Variants in CCBE1 observed in about 807,000 individuals in gnomAD.
CCBE1 encodes collagen and calcium binding EGF domains 1.
Under a neutral mutation model 50.0 loss-of-function variants are expected in CCBE1, and 37 were observed. The ratio of observed to expected loss-of-function variants is 0.74; its 90% CI spans 0.57 to 0.97. The LOEUF is 0.97. Ranked by LOEUF, CCBE1 falls within the 50% of genes least tolerant of loss-of-function variation. The pLI, the probability that CCBE1 is intolerant of heterozygous loss-of-function variation, is 0.00. For missense variants in CCBE1, 538 were observed against 523.8 expected (o/e 1.03, Z -0.26); for synonymous variants, 234 against 203.7 (o/e 1.15, Z -1.27).
intron 2 of CCBE1, among the ~76,000 whole-genome samples, chr18:59,533,606 C>T (rs924806335): frequency 6.6e-6 from 1 of 152,146 alleles, no homozygotes; most frequent in Non-Finnish European, 1.5e-5. Context: ...ATAAAATACA[C>T]ATAGAAACTA....
At chr18:59,562,709 A>G (rs1261271744) in intron 2 of CCBE1, among the ~76,000 whole-genome samples, 2 of 152,138 alleles carry the variant, frequency 1.3e-5, no homozygotes, top group East Asian at 1.9e-4. Context: ...AGACTACCTC[A>G]TGAACTACTG....
At chr18:59,522,789 A>G (rs916299948) in intron 2 of CCBE1, among the ~76,000 whole-genome samples, 3 of 152,188 alleles carry the variant, frequency 2.0e-5, no homozygotes, top group Non-Finnish European at 2.9e-5. Context: ...GGAGATCAAG[A>G]CCATCCTGGC....
chr18:59,679,134 G>C lies in CCBE1; in HGVS notation c.212+17495C>G, dbSNP rs191075749. On this transcript the variant is annotated intron_variant, in intron 2 of 10. Transcript: ENST00000439986. ...TGTTTCTGAATCCAAAGCAGTTCAG[G>C]TGGCTTCCCCATACAGTGATCTGCT... 3.9e-5 allele frequency among the ~76,000 whole-genome samples: 6 copies of C among 152,266 alleles called. No homozygotes were observed. The East Asian group carries it at 1.2e-3, about 29-fold the overall frequency.
At chr18:59,539,598 G>A (rs547152633) in intron 2 of CCBE1, among the ~76,000 whole-genome samples, 1 of 152,328 alleles carries the variant, frequency 6.6e-6, no homozygotes, top group Non-Finnish European at 1.5e-5. Flanking sequence ...ATTTTGTTAT[G>A]CAGCAATAGA....
At chr18:59,583,255 GA>G (rs376786556) in intron 2 of CCBE1, among the ~76,000 whole-genome samples, 467 of 132,220 alleles carry the variant, frequency 3.5e-3, no homozygotes, top group Non-Finnish European at 6.4e-3. Flanking sequence ...TAAGCCCACA[GA>G]AAAAAACAAA....
intron 5 of CCBE1, among the ~76,000 whole-genome samples, chr18:59,461,640 T>C (rs1052352419): frequency 6.6e-6 from 1 of 152,034 alleles, no homozygotes; most frequent in Non-Finnish European, 1.5e-5. Context: ...TCATATCAGG[T>C]TTCCCTTTTA....
At chr18:59,616,269 A>T (rs1379932936) in intron 2 of CCBE1, among the ~76,000 whole-genome samples, 2 of 152,180 alleles carry the variant, frequency 1.3e-5, no homozygotes, top group Admixed American at 6.5e-5. Flanking sequence ...TTAAACAAAA[A>T]GTTGGCAAAA....
intron 2 of CCBE1, among the ~76,000 whole-genome samples, chr18:59,626,702 C>T (rs2053789991): frequency 6.6e-6 from 1 of 152,266 alleles, no homozygotes; most frequent in South Asian, 2.1e-4. Context: ...CAAGACTGGC[C>T]TTGTGGCCCT....
chr18:59,569,908 G>A (rs2052885710), intron 2 of CCBE1, among the ~76,000 whole-genome samples: 1 of 152,224 alleles, frequency 6.6e-6, no homozygotes, highest in Non-Finnish European at 1.5e-5. Context: ...TGGGATTAGA[G>A]GAGTGAACCA....
At chr18:59,658,111 A>G (rs1022944446) in intron 2 of CCBE1, among the ~76,000 whole-genome samples, 4 of 151,100 alleles carry the variant, frequency 2.6e-5, no homozygotes, top group African/African-American at 9.7e-5. Flanking sequence ...TGCATCTGTA[A>G]AAGGTGGACA....
chr18:59,696,116 T>A (rs191717942), intron 2 of CCBE1, among the ~76,000 whole-genome samples: 18 of 152,276 alleles, frequency 1.2e-4, no homozygotes, highest in African/African-American at 3.9e-4. Flanking sequence ...AAAGACTTTT[T>A]TCCTCTGCCC....
At chr18:59,538,570 A>G (rs1417197166) in intron 2 of CCBE1, among the ~76,000 whole-genome samples, 1 of 152,198 alleles carries the variant, frequency 6.6e-6, no homozygotes, top group African/African-American at 2.4e-5. Flanking sequence ...TCACTGTGGG[A>G]ATTACTCACC....
intron 2 of CCBE1, among the ~76,000 whole-genome samples, chr18:59,494,899 A>G (rs1913275471): frequency 6.6e-6 from 1 of 152,214 alleles, no homozygotes; most frequent in Admixed American, 6.5e-5. Context: ...CACGCCTGTA[A>G]TCCTAGCACT....
Position 59,433,207 on chromosome 18 carries a change from A to G in CCBE1, c.*2701T>C, listed in dbSNP as rs903848161. 1 of 152,258 alleles carries G rather than the reference A, an allele frequency of 6.6e-6. No individual in the cohort carries two copies. The highest frequency in any genetic ancestry group is 1.5e-5 in the Non-Finnish European group (1 of 68,010). 9.4% of individuals were successfully genotyped at this position (152,258 alleles called of 1,614,324 possible). A position where few individuals can be genotyped will look rare whatever the true frequency, so the allele number is the denominator to read the frequency against. On this transcript the variant is annotated 3_prime_UTR_variant, in exon 11 of 11. Transcript: ENST00000439986. ...TAAAAAGTCTCCTTTATTCGAAAAG[A>G]GGCAGACTGGTTCCTGGGGTTACTG...
chr18:59,492,497 T>C (rs1913158066), intron 2 of CCBE1, among the ~76,000 whole-genome samples: 1 of 152,152 alleles, frequency 6.6e-6, no homozygotes, highest in Non-Finnish European at 1.5e-5. Flanking sequence ...TTCCAGGCAG[T>C]GCCCTTAAAC....
At chr18:59,649,032 G>C (rs1419053408) in intron 2 of CCBE1, among the ~76,000 whole-genome samples, 2 of 152,210 alleles carry the variant, frequency 1.3e-5, no homozygotes, top group African/African-American at 4.8e-5. Flanking sequence ...ACAGGGAAAG[G>C]GGGAGAGTGT....
intron 2 of CCBE1, among the ~76,000 whole-genome samples, chr18:59,608,105 G>A (rs2564473): frequency 0.09 from 13,654 of 152,200 alleles, 640 homozygotes; most frequent in East Asian, 0.13. Context: ...GGGTGACAGA[G>A]TGAGACTCCG....
At chr18:59,514,374 G>A (rs1022633939) in intron 2 of CCBE1, among the ~76,000 whole-genome samples, 2 of 152,074 alleles carry the variant, frequency 1.3e-5, no homozygotes, top group Non-Finnish European at 2.9e-5. Context: ...CCCTCCCAGT[G>A]AGTCATTTTG....
At chr18:59,571,726 C>G (rs2851850) in intron 2 of CCBE1, among the ~76,000 whole-genome samples, 14,273 of 152,138 alleles carry the variant, frequency 0.094, 708 homozygotes, top group East Asian at 0.13. Context: ...ATATGGAGGG[C>G]TTATAATGAG....
Sources: gnomAD v4.1 joint callset for allele counts (sites outside exome capture counted in the v4.1 genomes callset) on GRCh38, gnomAD v4.1.1 for gene constraint, MANE v1.5 for transcripts, NCBI Gene and HGNC (gene_info 2026-07-23, HGNC 2026-07-21) for gene names.